The following NSUN3 variants were observed in gnomAD, a reference collection of about 807,000 sequenced individuals.
NSUN3 encodes NOP2/Sun RNA methyltransferase 3.
Under a neutral mutation model 36.8 loss-of-function variants are expected in NSUN3, and 24 were observed. The ratio of observed to expected loss-of-function variants is 0.65; its 90% CI spans 0.47 to 0.92. The LOEUF (loss-of-function observed/expected upper bound fraction) is 0.92. Among genes scored for constraint, NSUN3 ranks in the 40% least tolerant of loss-of-function variants. The probability of loss-of-function intolerance (pLI) is 0.00; values close to 1 mark genes in which losing one functional copy is unlikely to be tolerated. For missense variants in NSUN3, 381 were observed against 392.8 expected, an observed-to-expected ratio of 0.97 and a Z score of 0.25; for synonymous variants, 146 against 145.2, an observed-to-expected ratio of 1.01 and a Z score of -0.04.
intron 5 of NSUN3, among the ~76,000 whole-genome samples, chr3:94,105,768 G>A (rs555449088): frequency 7.5e-4 from 114 of 151,922 alleles, no homozygotes; most frequent in African/African-American, 2.7e-3. Context: ...CACACACACG[G>A]TTTGAATAAA....
intron 3 of NSUN3, among the ~76,000 whole-genome samples, chr3:94,091,774 G>T (rs1367575920): frequency 2.0e-5 from 3 of 152,296 alleles, no homozygotes; most frequent in East Asian, 1.9e-4. Flanking sequence ...TTTCTCTGAG[G>T]CCCTTAGTAT....
intron 5 of NSUN3, among the ~76,000 whole-genome samples, chr3:94,116,747 GA>G: frequency 6.6e-6 from 1 of 152,254 alleles, no homozygotes; most frequent in Non-Finnish European, 1.5e-5. Flanking sequence ...TTTAATGGCA[GA>G]TGTGTTTCAG....
chr3:94,093,617 C>T (rs1437955212), intron 3 of NSUN3, among the ~76,000 whole-genome samples: 1 of 152,076 alleles, frequency 6.6e-6, no homozygotes, highest in Non-Finnish European at 1.5e-5. Flanking sequence ...TGGGCATGTC[C>T]CTGTGGAGAC....
intron 3 of NSUN3, among the ~76,000 whole-genome samples, chr3:94,091,563 A>T (rs372122395): frequency 1.4e-4 from 21 of 152,240 alleles, no homozygotes; most frequent in African/African-American, 4.3e-4. Context: ...CAGATATACA[A>T]TAACAGTAGC....
At chr3:94,063,270 T>G (rs2077189006) in intron 1 of NSUN3, 132 bp downstream of exon 1, 1 of 919,012 alleles carries the variant, frequency 1.1e-6, no homozygotes, top group Non-Finnish European at 1.8e-6. Context: ...CAGCGTTTCT[T>G]TGGCTTTACT....
intron 2 of NSUN3, among the ~76,000 whole-genome samples, chr3:94,074,097 A>G (rs1374361855): frequency 6.6e-6 from 1 of 152,146 alleles, no homozygotes; most frequent in Non-Finnish European, 1.5e-5. Flanking sequence ...TTTGCCAAAG[A>G]TCAGATAGTT....
chr3:94,117,985 A>T (rs1373691047), intron 5 of NSUN3, among the ~76,000 whole-genome samples: 1 of 152,206 alleles, frequency 6.6e-6, no homozygotes, highest in Non-Finnish European at 1.5e-5. Flanking sequence ...TTTAATGGGT[A>T]CAAAAATACA....
At chr3:94,120,640 G>A (rs1038850926) in intron 5 of NSUN3, among the ~76,000 whole-genome samples, 1 of 152,132 alleles carries the variant, frequency 6.6e-6, no homozygotes, top group South Asian at 2.1e-4. Flanking sequence ...TCATATCTAT[G>A]TATCTGTCTA....
chr3:94,117,721 T>A (rs926226910), intron 5 of NSUN3, among the ~76,000 whole-genome samples: 1 of 152,198 alleles, frequency 6.6e-6, no homozygotes, highest in East Asian at 1.9e-4. Flanking sequence ...TATTTTTTCT[T>A]TTTTTCTTAC....
Position 94,129,641 on chromosome 3 carries a change from A to T in NSUN3, c.*3151A>T, listed in dbSNP as rs561468414. Among the ~76,000 whole-genome samples the T allele has an allele frequency of 3.3e-5, 5 of 152,262 alleles. No individual in the cohort carries two copies. Among genetic ancestry groups the T allele is most frequent in the African/African-American group, 9.6e-5 (4 of 41,546 alleles). On this transcript the variant is annotated 3_prime_UTR_variant, in exon 6 of 6. Coordinates refer to ENST00000314622, the MANE Select transcript of NSUN3 (RefSeq NM_022072.5). ...ACCTGTTCATGTATCCCCTGAATCT[A>T]AAAAGCTGAAATTATTTTTTAATGA... is the stretch of plus-strand genomic sequence containing the variant.
At chr3:94,083,581 T>C (rs927309878) in intron 2 of NSUN3, among the ~76,000 whole-genome samples, 1 of 152,152 alleles carries the variant, frequency 6.6e-6, no homozygotes, top group East Asian at 1.9e-4. Context: ...AACCAGAGAC[T>C]AAAGTGAAGT....
rs913310123 is a variant in NSUN3, at chr3:94,126,513, A to G, written c.*23A>G. 2.5e-6 allele frequency: 4 copies of G among 1,583,784 alleles called. No individual in the cohort carries two copies. On this transcript the variant is annotated 3_prime_UTR_variant, in exon 6 of 6. Transcript: ENST00000314622. ...TGACATGAATTTGTAAACTGTGTTT[A>G]TGTGTTATTATATTTATATTTCTGA...
intron 5 of NSUN3, among the ~76,000 whole-genome samples, chr3:94,101,252 C>CA (rs2077364862): frequency 6.6e-6 from 1 of 152,078 alleles, no homozygotes; most frequent in Non-Finnish European, 1.5e-5. Context: ...TTTGGCCTCC[C>CA]AAGTGCTGAG....
chr3:94,126,186 T>G, intron 5 of NSUN3, 25 bp from the exon 6 acceptor site: 1 of 1,586,172 alleles, frequency 6.3e-7, no homozygotes, highest in Non-Finnish European at 8.6e-7. Context: ...TAACTAATCT[T>G]TTGCATTTTT....
intron 2 of NSUN3, chr3:94,075,981 A>G (rs1294667240): frequency 1.5e-5 from 24 of 1,592,010 alleles, no homozygotes; most frequent in Non-Finnish European, 2.0e-5. Flanking sequence ...GCCATTTGCC[A>G]CACTTGCATG....
chr3:94,075,215 A>T (rs1352723843), intron 2 of NSUN3, among the ~76,000 whole-genome samples: 1 of 152,136 alleles, frequency 6.6e-6, no homozygotes, highest in African/African-American at 2.4e-5. Context: ...AAAAACATAC[A>T]TCTTTACAAC....
intron 2 of NSUN3, among the ~76,000 whole-genome samples, chr3:94,081,048 G>C (rs1205858170): frequency 6.6e-6 from 1 of 152,202 alleles, no homozygotes; most frequent in Non-Finnish European, 1.5e-5. Flanking sequence ...GGTAGGCACC[G>C]AAGGGAATCT....
intron 2 of NSUN3, among the ~76,000 whole-genome samples, chr3:94,068,904 A>G (rs939756225): frequency 6.6e-6 from 1 of 152,208 alleles, no homozygotes; most frequent in African/African-American, 2.4e-5. Context: ...CTAGATTTCT[A>G]TATTGTCCTA....
chr3:94,119,374 G>C (rs2077452642), intron 5 of NSUN3, among the ~76,000 whole-genome samples: 1 of 152,182 alleles, frequency 6.6e-6, no homozygotes, highest in Non-Finnish European at 1.5e-5. Flanking sequence ...TTCTGCAAAA[G>C]CAGTGGGAGG....
Sources: gnomAD v4.1 joint callset for allele counts (sites outside exome capture counted in the v4.1 genomes callset) on GRCh38, gnomAD v4.1.1 for gene constraint, MANE v1.5 for transcripts, NCBI Gene and HGNC (gene_info 2026-07-23, HGNC 2026-07-21) for gene names.